TBC1D22A: variants seen among roughly 807,000 people sequenced by gnomAD.
TBC1D22A encodes putative GTPase activator.
TBC1D22A carries 38 observed loss-of-function variants against 60.2 expected under a neutral mutation model. The ratio of observed to expected loss-of-function variants is 0.63; its 90% CI spans 0.49 to 0.83. TBC1D22A has a LOEUF of 0.83. Ranked by LOEUF, TBC1D22A falls within the 40% of genes least tolerant of loss-of-function variation. The pLI, the probability that TBC1D22A is intolerant of heterozygous loss-of-function variation, is 0.00. For missense variants in TBC1D22A, 628 were observed against 701.0 expected (o/e 0.90, Z 1.18); for synonymous variants, 302 against 281.7 (o/e 1.07, Z -0.72).
At chr22:47,122,531 TG>T in intron 12 of TBC1D22A, among the ~76,000 whole-genome samples, 1 of 152,096 alleles carries the variant, frequency 6.6e-6, no homozygotes, top group South Asian at 2.1e-4. Flanking sequence ...TACTTGGAGG[TG>T]GTCTCAGCCC....
intron 8 of TBC1D22A, among the ~76,000 whole-genome samples, chr22:46,932,430 G>C (rs942146069): frequency 6.6e-6 from 1 of 152,224 alleles, no homozygotes; most frequent in Non-Finnish European, 1.5e-5. Context: ...TTGTCCTTCA[G>C]CTTTTGCATT....
chr22:46,776,233 A>G (rs984895207), intron 1 of TBC1D22A, among the ~76,000 whole-genome samples: 2 of 152,250 alleles, frequency 1.3e-5, no homozygotes, highest in African/African-American at 4.8e-5. Flanking sequence ...TTCTTGGCAC[A>G]GGGTGGCTTG....
intron 9 of TBC1D22A, among the ~76,000 whole-genome samples, chr22:46,982,362 T>C (rs2074547493): frequency 6.6e-6 from 1 of 151,998 alleles, no homozygotes; most frequent in African/African-American, 2.4e-5. Flanking sequence ...TAGCTGGGAC[T>C]ACAGGCACCC....
chr22:47,153,888 G>C (rs1312723277), intron 12 of TBC1D22A, among the ~76,000 whole-genome samples: 2 of 152,196 alleles, frequency 1.3e-5, no homozygotes, highest in East Asian at 3.9e-4. Context: ...GTCCCGTGTG[G>C]AGGCGGGGAG....
intron 11 of TBC1D22A, among the ~76,000 whole-genome samples, chr22:47,063,888 T>C (rs546424691): frequency 9.2e-4 from 140 of 152,280 alleles, no homozygotes; most frequent in Non-Finnish European, 1.7e-3. Flanking sequence ...TGTGGCTGTG[T>C]CCACGTTTTC....
intron 11 of TBC1D22A, among the ~76,000 whole-genome samples, chr22:47,072,848 G>C (rs1263344126): frequency 6.6e-6 from 1 of 152,218 alleles, no homozygotes; most frequent in Non-Finnish European, 1.5e-5. Flanking sequence ...TTGTTCATCA[G>C]ACCTGCCCTG....
At chr22:47,108,037 C>G (rs2065699999) in intron 11 of TBC1D22A, among the ~76,000 whole-genome samples, 1 of 152,100 alleles carries the variant, frequency 6.6e-6, no homozygotes, top group African/African-American at 2.4e-5. Flanking sequence ...AATTTAAAAC[C>G]CACGATCTTC....
At position 46,951,493 on chromosome 22, in the gene TBC1D22A, G is replaced by A. The variant is rs534582166; in HGVS notation, c.1016-22797G>A. On this transcript the variant is annotated intron_variant, in intron 8 of 12. Coordinates refer to ENST00000337137, the MANE Select transcript of TBC1D22A (RefSeq NM_014346.5). ...AGTGAGTACTGAAAATGTACAGTTG[G>A]GCCAGTTGTGCTAAGAGAGTGATGG... 1.1e-3 allele frequency among the ~76,000 whole-genome samples: 170 copies of A among 152,260 alleles called. 1 individual carries two copies. The highest frequency in any genetic ancestry group is 4.3e-4 in the Non-Finnish European group (29 of 68,024).
At chr22:46,891,219 A>T (rs1349138851) in intron 5 of TBC1D22A, 47 bp from the exon 6 acceptor site, 3 of 1,547,128 alleles carry the variant, frequency 1.9e-6, no homozygotes, top group Non-Finnish European at 2.6e-6. Context: ...TAGGGACTCC[A>T]TGAATTAGCT....
intron 11 of TBC1D22A, among the ~76,000 whole-genome samples, chr22:47,047,312 A>C (rs2063063968): frequency 6.6e-6 from 1 of 152,274 alleles, no homozygotes; most frequent in South Asian, 2.1e-4. Context: ...TGCATATTAA[A>C]TACGAATCAT....
intron 8 of TBC1D22A, among the ~76,000 whole-genome samples, chr22:46,931,867 T>G (rs2071371110): frequency 6.6e-6 from 1 of 152,258 alleles, no homozygotes; most frequent in Non-Finnish European, 1.5e-5. Context: ...ATTTTTATTT[T>G]GTTCCTAGAA....
chr22:47,080,000 A>G (rs570999289), intron 11 of TBC1D22A, among the ~76,000 whole-genome samples: 1 of 152,352 alleles, frequency 6.6e-6, no homozygotes, highest in South Asian at 2.1e-4. Flanking sequence ...GGGAGACTGC[A>G]AGACATACTT....
chr22:46,813,090 T>C (rs78478649), intron 4 of TBC1D22A, among the ~76,000 whole-genome samples: 11,304 of 152,334 alleles, frequency 0.074, 596 homozygotes, highest in Non-Finnish European at 0.11. Context: ...CATTTGCTTC[T>C]TCCTTTACTT....
intron 8 of TBC1D22A, among the ~76,000 whole-genome samples, chr22:46,924,178 A>G (rs2070915344): frequency 6.6e-6 from 1 of 152,184 alleles, no homozygotes; most frequent in African/African-American, 2.4e-5. Context: ...TAAATGTAGA[A>G]ACAGTCTTGA....
intron 12 of TBC1D22A, among the ~76,000 whole-genome samples, chr22:47,161,423 T>C (rs1569478781): frequency 6.6e-6 from 1 of 152,194 alleles, no homozygotes. Flanking sequence ...AGCATCGTTA[T>C]GTTTTTTTCA....
chr22:46,963,818 C>T (rs2073665912), intron 8 of TBC1D22A, among the ~76,000 whole-genome samples: 1 of 152,232 alleles, frequency 6.6e-6, no homozygotes, highest in Admixed American at 6.5e-5. Context: ...GGGCAAGCTT[C>T]TCCAGCCTTT....
chr22:46,822,077 T>C (rs996637774), intron 4 of TBC1D22A, among the ~76,000 whole-genome samples: 6 of 152,016 alleles, frequency 3.9e-5, no homozygotes, highest in African/African-American at 1.2e-4. Flanking sequence ...GCTGTGTTTT[T>C]CAGCTCCGTC....
intron 7 of TBC1D22A, among the ~76,000 whole-genome samples, chr22:46,908,750 G>A (rs987490406): frequency 6.6e-6 from 1 of 152,218 alleles, no homozygotes; most frequent in African/African-American, 2.4e-5. Context: ...TGGGTTGCCT[G>A]TGAAAGGGCA....
chr22:46,927,902 ATAT>A lies in TBC1D22A; in HGVS notation c.1015+15716_1015+15718del, dbSNP rs1425690623. On this transcript the variant is annotated intron_variant, in intron 8 of 12. Transcript: ENST00000337137. Reference sequence around the variant, plus strand: ...ACATTCGCACTCTGAAAACTACAAAATATTGTTGAAATAAATTAAAGAGGATCT... The same window carrying A: ...ACATTCGCACTCTGAAAACTACAAAATGTTGAAATAAATTAAAGAGGATCT... Among the ~76,000 whole-genome samples, 9 of 152,342 alleles carry A rather than the reference ATAT, an allele frequency of 5.9e-5. No homozygotes were observed. In the East Asian group the frequency reaches 1.7e-3, roughly 29 times the overall value.
Sources: gnomAD v4.1 joint callset for allele counts (sites outside exome capture counted in the v4.1 genomes callset) on GRCh38, gnomAD v4.1.1 for gene constraint, MANE v1.5 for transcripts, NCBI Gene and HGNC (gene_info 2026-07-23, HGNC 2026-07-21) for gene names.